DENND1A: variants seen among roughly 807,000 people sequenced by gnomAD.
DENND1A encodes DENN domain containing 1A.
Under a neutral mutation model 113.7 loss-of-function variants are expected in DENND1A, and 51 were observed. That is an observed-to-expected ratio of 0.45 (90% CI 0.36 to 0.57). DENND1A has a LOEUF of 0.57. Ranked by LOEUF, DENND1A falls within the 20% of genes least tolerant of loss-of-function variation. The pLI is 0.00. For synonymous variants in DENND1A, 565 were observed against 570.8 expected (o/e 0.99, Z 0.14); for missense variants, 1,258 against 1,395.9 (o/e 0.90, Z 1.57).
intron 1 of DENND1A, among the ~76,000 whole-genome samples, chr9:123,915,271 C>A (rs1387529710): frequency 1.3e-5 from 2 of 151,976 alleles, no homozygotes; most frequent in East Asian, 3.8e-4. Flanking sequence ...TTCAAATGGG[C>A]TGAAAATGTT....
At chr9:123,716,657 T>C (rs770731726) in intron 5 of DENND1A, among the ~76,000 whole-genome samples, 2 of 152,204 alleles carry the variant, frequency 1.3e-5, no homozygotes, top group Non-Finnish European at 2.9e-5. Context: ...GGGTTATAAT[T>C]TAAGCTTGCA....
At chr9:123,412,796 C>T (rs1163783870) in intron 19 of DENND1A, among the ~76,000 whole-genome samples, 1 of 152,198 alleles carries the variant, frequency 6.6e-6, no homozygotes, top group Non-Finnish European at 1.5e-5. Flanking sequence ...CCCCGGGAGG[C>T]TTCCGGTTGT....
intron 5 of DENND1A, among the ~76,000 whole-genome samples, chr9:123,695,514 C>T (rs1316267862): frequency 1.3e-5 from 2 of 151,488 alleles, no homozygotes. Flanking sequence ...TTAGTGTGTC[C>T]CTCTAGAGAA....
intron 2 of DENND1A, among the ~76,000 whole-genome samples, chr9:123,808,472 C>A (rs1023488112): frequency 2.6e-5 from 4 of 151,680 alleles, no homozygotes; most frequent in Non-Finnish European, 4.4e-5. Context: ...CCTCAAACTC[C>A]TGGGCTCAAA....
intron 2 of DENND1A, among the ~76,000 whole-genome samples, chr9:123,807,140 A>C (rs1835723997): frequency 6.6e-6 from 1 of 152,210 alleles, no homozygotes; most frequent in Non-Finnish European, 1.5e-5. Flanking sequence ...TTAATGTTCT[A>C]AATCCAGACT....
At chr9:123,560,745 G>C (rs2057703091) in intron 12 of DENND1A, among the ~76,000 whole-genome samples, 2 of 151,596 alleles carry the variant, frequency 1.3e-5, no homozygotes, top group Admixed American at 1.3e-4. Flanking sequence ...TGAGGGGGTA[G>C]TTATCCCACC....
At chr9:123,745,711 G>C (rs1396935176) in intron 5 of DENND1A, among the ~76,000 whole-genome samples, 1 of 152,164 alleles carries the variant, frequency 6.6e-6, no homozygotes, top group Non-Finnish European at 1.5e-5. Flanking sequence ...TCACACGCTA[G>C]AAACAGTCCA....
intron 8 of DENND1A, among the ~76,000 whole-genome samples, chr9:123,660,930 G>A (rs1027288752): frequency 1.3e-5 from 2 of 152,238 alleles, no homozygotes; most frequent in Non-Finnish European, 2.9e-5. Context: ...AGCTGGAGGG[G>A]AATGTGCTAC....
In DENND1A at chr9:123,483,920, G is replaced by T. The variant is rs116148127; in HGVS notation, c.994-26023C>A. Among the ~76,000 whole-genome samples the T allele has an allele frequency of 1.1e-3, 164 of 152,202 alleles. 1 individual carries two copies. The highest frequency in any genetic ancestry group is 3.8e-3 in the African/African-American group (159 of 41,500). ...TTTGAGACACAGCTTAGTTTTTTTT[G>T]TGTTTTTTTAAAAATGATTTTTAGT... is the stretch of plus-strand genomic sequence containing the variant. On this transcript the variant is annotated intron_variant, in intron 13 of 23. Transcript: ENST00000394215.
At chr9:123,646,160 G>A (rs991315626) in intron 9 of DENND1A, among the ~76,000 whole-genome samples, 1 of 152,060 alleles carries the variant, frequency 6.6e-6, no homozygotes, top group African/African-American at 2.4e-5. Context: ...CAAAAGCTAC[G>A]TACCAGGCTG....
intron 13 of DENND1A, chr9:123,485,631 T>TGC (rs2050744645): frequency 7.1e-6 from 1 of 140,050 alleles, no homozygotes; most frequent in Non-Finnish European, 1.5e-5. Flanking sequence ...TGTGTGTGTG[T>TGC]GCGCGTACAC....
At chr9:123,677,565 C>T (rs560364355) in intron 5 of DENND1A, among the ~76,000 whole-genome samples, 3 of 152,296 alleles carry the variant, frequency 2.0e-5, no homozygotes, top group Non-Finnish European at 4.4e-5. Context: ...TTCTGAGTAG[C>T]TGGGACTACA....
At chr9:123,544,445 G>C (rs943331187) in intron 13 of DENND1A, among the ~76,000 whole-genome samples, 1 of 152,172 alleles carries the variant, frequency 6.6e-6, no homozygotes, top group Non-Finnish European at 1.5e-5. Context: ...ACTCCTAAGA[G>C]GGAACCAACT....
At position 123,610,230 on chromosome 9, in the gene DENND1A, A is replaced by G. The variant is rs982831720; in HGVS notation, c.720-749T>C. 2.2e-4 allele frequency among the ~76,000 whole-genome samples: 33 copies of G among 152,020 alleles called. 1 individual carries two copies. The highest frequency in any genetic ancestry group is 7.7e-4 in the African/African-American group (32 of 41,408). ...CCGTTGATTTCAGGGGTCGGTGTGT[A>G]TGTGTGTGTGTGTATACATTATCAT... On this transcript the variant is annotated intron_variant, in intron 10 of 23. Coordinates refer to ENST00000394215, the MANE Select transcript of DENND1A (RefSeq NM_001352964.2).
intron 13 of DENND1A, among the ~76,000 whole-genome samples, chr9:123,476,382 C>T (rs1265377804): frequency 6.6e-6 from 1 of 152,134 alleles, no homozygotes; most frequent in Middle Eastern, 3.2e-3. Flanking sequence ...TACCCAAGAG[C>T]CTGGATGTGG....
chr9:123,459,789 G>A (rs766666423), intron 13 of DENND1A, among the ~76,000 whole-genome samples: 4 of 151,378 alleles, frequency 2.6e-5, no homozygotes, highest in Non-Finnish European at 4.4e-5. Flanking sequence ...TAAATTTACT[G>A]TCGAGCTTCC....
chr9:123,728,760 T>C (rs1032449871), intron 5 of DENND1A, among the ~76,000 whole-genome samples: 2 of 152,074 alleles, frequency 1.3e-5, no homozygotes, highest in Non-Finnish European at 2.9e-5. Context: ...GATAGATACA[T>C]AGATGCTACA....
intron 19 of DENND1A, among the ~76,000 whole-genome samples, chr9:123,434,908 A>G (rs1588510585): frequency 6.6e-6 from 1 of 152,200 alleles, no homozygotes; most frequent in Admixed American, 6.5e-5. Context: ...GGAGCCTGTG[A>G]AACAGTCCAG....
At chr9:123,471,230 T>C (rs1252335677) in intron 13 of DENND1A, among the ~76,000 whole-genome samples, 2 of 152,158 alleles carry the variant, frequency 1.3e-5, no homozygotes, top group African/African-American at 4.8e-5. Flanking sequence ...GAATGCAGGC[T>C]CTGCCACTTA....
Sources: allele counts gnomAD v4.1 joint callset (sites outside exome capture counted in the v4.1 genomes callset), GRCh38; gene constraint gnomAD v4.1.1; transcripts MANE v1.5; gene names NCBI Gene and HGNC (gene_info 2026-07-23, HGNC 2026-07-21).